CNTN1: variants seen among roughly 807,000 people sequenced by gnomAD.
CNTN1 encodes contactin 1.
CNTN1 carries 38 observed loss-of-function variants against 126.4 expected under a neutral mutation model. That is an observed-to-expected ratio of 0.30 (90% confidence interval 0.23 to 0.39). CNTN1 has a LOEUF of 0.39. CNTN1 is among the 10% of genes least tolerant of loss of function. The pLI, the probability that CNTN1 is intolerant of heterozygous loss-of-function variation, is 1.00. For missense variants in CNTN1, 1,009 were observed against 1,248.4 expected (o/e 0.81, Z 2.89); for synonymous variants, 413 against 422.6 (o/e 0.98, Z 0.28).
chr12:40,721,780 C>A (rs1340635206), intron 1 of CNTN1, among the ~76,000 whole-genome samples: 2 of 146,016 alleles, frequency 1.4e-5, no homozygotes, highest in Non-Finnish European at 3.0e-5. Context: ...CAATTCCCAT[C>A]TATGAGTGAG....
intron 1 of CNTN1, among the ~76,000 whole-genome samples, chr12:40,878,942 A>G (rs1490748965): frequency 6.6e-6 from 1 of 152,176 alleles, no homozygotes; most frequent in African/African-American, 2.4e-5. Flanking sequence ...TTCACATTAT[A>G]TAGCTTTCAA....
chr12:41,039,650 T>C (rs987023558), intron 23 of CNTN1, among the ~76,000 whole-genome samples: 1 of 152,080 alleles, frequency 6.6e-6, no homozygotes, highest in Non-Finnish European at 1.5e-5. Flanking sequence ...TGAGGTCAGA[T>C]GACATAAACT....
rs74795425 is a variant in CNTN1 at position 40,933,118 on chromosome 12, C to A, written c.704-343C>A. 8.2e-3 allele frequency among the ~76,000 whole-genome samples: 1,247 copies of A among 151,860 alleles called. 14 individuals carry two copies. Among genetic ancestry groups the A allele is most frequent in the African/African-American group, 0.028 (1,180 of 41,426 alleles). ...TCTCTTCTCCTTCTTCTCTTTCCTTCTCCCTCATTTTCTTTCTCCACCTTC... is the reference window on the plus strand; with the variant it reads ...TCTCTTCTCCTTCTTCTCTTTCCTTATCCCTCATTTTCTTTCTCCACCTTC... On this transcript the variant is annotated intron_variant, in intron 7 of 23. Transcript: ENST00000551295.
At chr12:40,701,727 GTT>G (rs2121113223) in intron 1 of CNTN1, among the ~76,000 whole-genome samples, 1 of 152,088 alleles carries the variant, frequency 6.6e-6, no homozygotes, top group African/African-American at 2.4e-5. Context: ...AATTAACCTG[GTT>G]TCTCAAAAAA....
intron 1 of CNTN1, among the ~76,000 whole-genome samples, chr12:40,751,989 T>C (rs762242326): frequency 3.9e-5 from 6 of 152,150 alleles, no homozygotes; most frequent in Non-Finnish European, 8.8e-5. Context: ...TTCGTATTTA[T>C]CTGAGTTCTA....
rs564446877 is a variant in CNTN1, at chr12:40,808,303, G to A, written c.-76-100054G>A. Among the ~76,000 whole-genome samples the A allele has an allele frequency of 7.9e-5, 12 of 152,242 alleles. No homozygotes were observed. The South Asian group carries it at 2.5e-3, about 32-fold the overall frequency. On this transcript the variant is annotated intron_variant, in intron 1 of 23. Coordinates refer to ENST00000551295, the MANE Select transcript of CNTN1 (RefSeq NM_001843.4). The stretch of plus-strand genomic sequence containing the variant: ...TGAGCTGAGATGTGCTGGTAAATGT[G>A]TAACAACTGACTCTCCCAGGGAAAA...
rs906936272 is a variant in CNTN1, at chr12:40,774,766, C to CT, written c.-77+82184dup. Among the ~76,000 whole-genome samples the CT allele has an allele frequency of 5.2e-4, 76 of 145,624 alleles. No homozygotes were observed. The East Asian group carries it at 7.2e-3, about 14-fold the overall frequency. ...ATGCTTTTAGTCTTCTACTTTTGGC[C>CT]TTTTTTTTTTATTACCTTTCTCTAG... On this transcript the variant is annotated intron_variant, in intron 1 of 23. Coordinates refer to ENST00000551295, the MANE Select transcript of CNTN1 (RefSeq NM_001843.4).
rs1351541155 is a variant in CNTN1 at position 40,944,016 on chromosome 12, C to T, written c.1529C>T (p.Ala510Val). The T allele has an allele frequency of 1.9e-6, 3 of 1,613,304 alleles. No homozygotes were observed. Among genetic ancestry groups the T allele is most frequent in the Non-Finnish European group, 2.5e-6 (3 of 1,179,546 alleles). ...ATAGATCCTACGCGAATTATATTGG[C>T]CCCAATTAATGCCGATATCACAGTT... ...VITDPTRIIL[A>V]PINADITVGE... The change falls in exon 14 of 24, where the codon GCC becomes GTC. Residue 510 changes from alanine to valine, a missense_variant. By Grantham distance (64) the Ala-to-Val change is moderately conservative. Coordinates refer to ENST00000551295, the MANE Select transcript of CNTN1 (RefSeq NM_001843.4).
intron 1 of CNTN1, among the ~76,000 whole-genome samples, chr12:40,901,300 A>C (rs1048558820): frequency 6.6e-6 from 1 of 152,230 alleles, no homozygotes; most frequent in African/African-American, 2.4e-5. Flanking sequence ...AGGATTTTTT[A>C]TATTCAAAAA....
intron 1 of CNTN1, among the ~76,000 whole-genome samples, chr12:40,802,954 A>G (rs1478603486): frequency 6.6e-6 from 1 of 151,868 alleles, no homozygotes; most frequent in Admixed American, 6.6e-5. Flanking sequence ...TGTCTTCAGT[A>G]TTTTACTAGT....
chr12:40,736,396 G>A (rs4426201), intron 1 of CNTN1, among the ~76,000 whole-genome samples: 146,640 of 152,136 alleles, frequency 0.96, 70,750 homozygotes, highest in Non-Finnish European at 0.99. Context: ...TATGGTTTAA[G>A]AAGCTCTTGC....
chr12:41,015,777 G>C (rs917954047), intron 18 of CNTN1, among the ~76,000 whole-genome samples: 1 of 151,566 alleles, frequency 6.6e-6, no homozygotes, highest in Non-Finnish European at 1.5e-5. Flanking sequence ...GCCAAAAAAG[G>C]CTAACTGACA....
In CNTN1 at chr12:40,925,838, G is replaced by A. The variant is rs200613681; in HGVS notation, c.496+1186G>A. Among the ~76,000 whole-genome samples, 588 of 77,682 alleles carry A rather than the reference G, an allele frequency of 7.6e-3. 9 individuals carry two copies. Among genetic ancestry groups the A allele is most frequent in the African/African-American group, 0.038 (560 of 14,804 alleles). The allele number at this position is 77,682 out of a possible 152,430, so 51.0% of individuals were successfully genotyped here. A position where few individuals can be genotyped will look rare whatever the true frequency, so the allele number is the denominator to read the frequency against. On this transcript the variant is annotated intron_variant, in intron 6 of 23. Transcript: ENST00000551295. Reference sequence around the variant, plus strand: ...TATATATATATATATATGTATGTGTGTGTGTGTATATATATATATATATAT... The same window carrying A: ...TATATATATATATATATGTATGTGTATGTGTGTATATATATATATATATAT...
At chr12:40,982,854 A>G (rs1462121704) in intron 16 of CNTN1, among the ~76,000 whole-genome samples, 1 of 146,382 alleles carries the variant, frequency 6.8e-6, no homozygotes, top group Non-Finnish European at 1.5e-5. Context: ...TAAATAGGGT[A>G]TTTCTCATAT....
At chr12:40,985,861 CTGTG>C (rs144935175) in intron 16 of CNTN1, among the ~76,000 whole-genome samples, 6 of 150,204 alleles carry the variant, frequency 4.0e-5, no homozygotes, top group Non-Finnish European at 8.9e-5. Context: ...GTGTGTGTGT[CTGTG>C]TGTGTGTGTG....
rs929875055 is a variant in CNTN1 at position 40,971,684 on chromosome 12, T to A, written c.1805-9225T>A. 6 of 1,417,656 alleles carry A rather than the reference T, an allele frequency of 4.2e-6. No homozygotes were observed. The African/African-American group carries it at 4.4e-5, about 10-fold the overall frequency. 87.8% of individuals were successfully genotyped at this position (1,417,656 alleles called of 1,614,324 possible). On this transcript the variant is annotated intron_variant, in intron 15 of 23. Transcript: ENST00000551295. ...ACATACTTTGGGCATAAATATTTTT[T>A]AAAATATAACTATAATGCTTCACTA...
chr12:40,752,949 A>T (rs1307936999), intron 1 of CNTN1, among the ~76,000 whole-genome samples: 1 of 152,174 alleles, frequency 6.6e-6, no homozygotes, highest in Non-Finnish European at 1.5e-5. Flanking sequence ...CCCAAGCTAC[A>T]TGATTGGAAT....
chr12:41,056,935 AAATATTTAT>A lies in CNTN1; in HGVS notation c.2981-13015_2981-13007del, dbSNP rs1342090729. 9.0e-5 allele frequency among the ~76,000 whole-genome samples: 9 copies of A among 100,292 alleles called. 1 individual carries two copies. The highest frequency in any genetic ancestry group is 1.3e-4 in the African/African-American group (3 of 23,222). The allele number at this position is 100,292 out of a possible 152,430, so 65.8% of individuals were successfully genotyped here. On this transcript the variant is annotated intron_variant, in intron 23 of 23. Coordinates refer to ENST00000551295, the MANE Select transcript of CNTN1 (RefSeq NM_001843.4). ...ATATTTATAATATTTAGATATTTAT[AAATATTTAT>A]AATATTTAGATATTTATAAATATTA...
At chr12:40,814,065 C>T (rs112625028) in intron 1 of CNTN1, among the ~76,000 whole-genome samples, 3,488 of 151,872 alleles carry the variant, frequency 0.023, 129 homozygotes, top group African/African-American at 0.078. Flanking sequence ...CTTGTAAATA[C>T]GTTTAAGTTC....
Sources: gnomAD v4.1 joint callset for allele counts (sites outside exome capture counted in the v4.1 genomes callset) on GRCh38, gnomAD v4.1.1 for gene constraint, MANE v1.5 for transcripts, NCBI Gene and HGNC (gene_info 2026-07-23, HGNC 2026-07-21) for gene names.